AGBL4: variants seen among roughly 807,000 people sequenced by gnomAD.
The protein encoded by AGBL4 is cytosolic carboxypeptidase 6.
Under a neutral mutation model 66.4 loss-of-function variants are expected in AGBL4, and 58 were observed. The observed-to-expected ratio is 0.87, with a 90% CI of 0.71 to 1.09. The LOEUF (loss-of-function observed/expected upper bound fraction) is 1.09, where lower values mean the gene tolerates loss of function less well. Ranked by LOEUF, AGBL4 falls within the 50% of genes least tolerant of loss-of-function variation. The pLI, the probability that AGBL4 is intolerant of heterozygous loss-of-function variation, is 0.00. For synonymous variants in AGBL4, 234 were observed against 222.9 expected (o/e 1.05, Z -0.44); for missense variants, 579 against 631.0 (o/e 0.92, Z 0.88).
chr1:49,104,382 C>T (rs901566871), intron 4 of AGBL4, among the ~76,000 whole-genome samples: 4 of 152,252 alleles, frequency 2.6e-5, no homozygotes, highest in Admixed American at 2.6e-4. Flanking sequence ...CATTATCATA[C>T]ATTAAATAGA....
intron 4 of AGBL4, among the ~76,000 whole-genome samples, chr1:49,200,027 A>G (rs931402019): frequency 1.3e-5 from 2 of 152,104 alleles, no homozygotes; most frequent in Admixed American, 1.3e-4. Context: ...GCCTCCTTAG[A>G]AGACTTCCAT....
At chr1:49,282,602 T>C (rs1189748120) in intron 3 of AGBL4, among the ~76,000 whole-genome samples, 2 of 152,204 alleles carry the variant, frequency 1.3e-5, no homozygotes, top group Non-Finnish European at 2.9e-5. Context: ...CATTTCCATC[T>C]GAGGTATCGG....
intron 1 of AGBL4, among the ~76,000 whole-genome samples, chr1:49,858,415 A>G (rs1295424722): frequency 2.0e-5 from 3 of 152,184 alleles, no homozygotes; most frequent in African/African-American, 7.2e-5. Context: ...AATCAATGAT[A>G]TATTTATATA....
At chr1:49,213,102 C>A (rs1247225540) in intron 4 of AGBL4, among the ~76,000 whole-genome samples, 34 of 152,134 alleles carry the variant, frequency 2.2e-4, no homozygotes, top group Non-Finnish European at 4.4e-5. Flanking sequence ...TGAACACTGT[C>A]CCTTTCCTTC....
chr1:48,665,341 G>C (rs970788320), intron 6 of AGBL4, among the ~76,000 whole-genome samples: 2 of 152,194 alleles, frequency 1.3e-5, no homozygotes, highest in Non-Finnish European at 2.9e-5. Context: ...CAACTTCCAT[G>C]GGTGTATGGC....
chr1:49,462,246 A>G (rs1001315719), intron 3 of AGBL4, among the ~76,000 whole-genome samples: 1 of 151,806 alleles, frequency 6.6e-6, no homozygotes, highest in Non-Finnish European at 1.5e-5. Flanking sequence ...CCTGGTAGGT[A>G]GCATGTATTA....
intron 3 of AGBL4, among the ~76,000 whole-genome samples, chr1:49,652,920 C>T (rs1371163031): frequency 6.6e-6 from 1 of 152,052 alleles, no homozygotes; most frequent in Non-Finnish European, 1.5e-5. Flanking sequence ...CAGGGTAGCC[C>T]GAGGATTCTG....
intron 3 of AGBL4, among the ~76,000 whole-genome samples, chr1:49,606,671 T>C (rs569007145): frequency 6.6e-6 from 1 of 152,192 alleles, no homozygotes; most frequent in South Asian, 2.1e-4. Flanking sequence ...TTTATTGTTA[T>C]TATTATTCCC....
At chr1:49,630,974 G>C (rs1456129972) in intron 3 of AGBL4, among the ~76,000 whole-genome samples, 1 of 152,156 alleles carries the variant, frequency 6.6e-6, no homozygotes, top group Admixed American at 6.5e-5. Flanking sequence ...GACAAGAGTT[G>C]AGAGAGTAGC....
intron 3 of AGBL4, among the ~76,000 whole-genome samples, chr1:49,488,441 C>T (rs1320019252): frequency 6.6e-6 from 1 of 151,188 alleles, no homozygotes; most frequent in Non-Finnish European, 1.5e-5. Flanking sequence ...TAGATAATTA[C>T]GGGATAATGA....
intron 3 of AGBL4, among the ~76,000 whole-genome samples, chr1:49,485,654 GA>G (rs1570838293): frequency 6.6e-6 from 1 of 151,458 alleles, no homozygotes; most frequent in African/African-American, 2.4e-5. Flanking sequence ...AAAAGAATGA[GA>G]TCCTGTCATT....
At position 49,329,381 on chromosome 1, in the gene AGBL4, A is replaced by G. The variant is rs573285235; in HGVS notation, c.283-83517T>C. On this transcript the variant is annotated intron_variant, in intron 3 of 13. Transcript: ENST00000371839. ...CCCAACTTAAAAAAATAAAATAAAA[A>G]TGTGCCGGGCGCGGTGGTTCATGCC... Among the ~76,000 whole-genome samples, 10 of 151,934 alleles carry G rather than the reference A, an allele frequency of 6.6e-5. No homozygotes were observed. In the South Asian group the frequency reaches 2.1e-3, roughly 32 times the overall value.
intron 11 of AGBL4, among the ~76,000 whole-genome samples, chr1:48,546,922 A>C (rs1644173157): frequency 6.6e-6 from 1 of 150,960 alleles, no homozygotes; most frequent in African/African-American, 2.5e-5. Flanking sequence ...ATTGATATAT[A>C]CTATGAAGAA....
intron 3 of AGBL4, among the ~76,000 whole-genome samples, chr1:49,379,071 C>A (rs185180957): frequency 6.6e-6 from 1 of 151,936 alleles, no homozygotes; most frequent in Non-Finnish European, 1.5e-5. Context: ...TAGACAAATG[C>A]GAAATTTGTA....
At chr1:49,680,175 C>T (rs1253030965) in intron 3 of AGBL4, among the ~76,000 whole-genome samples, 16 of 150,820 alleles carry the variant, frequency 1.1e-4, no homozygotes, top group Admixed American at 9.9e-4. Context: ...CTCAGTCTCC[C>T]GAGTAGCTGG....
At chr1:48,713,157 A>G (rs1314259125) in intron 6 of AGBL4, among the ~76,000 whole-genome samples, 1 of 152,202 alleles carries the variant, frequency 6.6e-6, no homozygotes, top group Non-Finnish European at 1.5e-5. Context: ...GGTAGGTGAG[A>G]CAGGGAGGGA....
chr1:49,894,469 T>C (rs1195503167), intron 1 of AGBL4, among the ~76,000 whole-genome samples: 1 of 152,066 alleles, frequency 6.6e-6, no homozygotes, highest in African/African-American at 2.4e-5. Flanking sequence ...CAAAGCTGTT[T>C]TGAGGAAAAT....
intron 5 of AGBL4, among the ~76,000 whole-genome samples, chr1:49,038,733 C>T (rs533452895): frequency 6.6e-6 from 1 of 152,120 alleles, no homozygotes; most frequent in Admixed American, 6.6e-5. Context: ...CACAGGTACT[C>T]GCATTCATTG....
At chr1:49,414,897 T>C (rs1645394830) in intron 3 of AGBL4, among the ~76,000 whole-genome samples, 1 of 152,184 alleles carries the variant, frequency 6.6e-6, no homozygotes, top group African/African-American at 2.4e-5. Context: ...TGATAGTTGC[T>C]ATTTTTATTT....
Sources: allele counts gnomAD v4.1 joint callset (sites outside exome capture counted in the v4.1 genomes callset), GRCh38; gene constraint gnomAD v4.1.1; transcripts MANE v1.5; gene names NCBI Gene and HGNC (gene_info 2026-07-23, HGNC 2026-07-21).